Variants in GRID2 observed in about 807,000 individuals in gnomAD.
GRID2 encodes the protein glutamate ionotropic receptor delta type subunit 2, also known as glutamate receptor ionotropic, delta-2.
Under a neutral mutation model 114.8 loss-of-function variants are expected in GRID2, and 33 were observed. The ratio of observed to expected loss-of-function variants is 0.29; its 90% CI spans 0.22 to 0.38. The LOEUF is 0.38. Ranked by LOEUF, GRID2 falls within the 10% of genes least tolerant of loss-of-function variation. The probability of loss-of-function intolerance (pLI) is 1.00; values close to 1 mark genes in which losing one functional copy is unlikely to be tolerated. For synonymous variants in GRID2, 505 were observed against 449.9 expected, an observed-to-expected ratio of 1.12 and a Z score of -1.55; for missense variants, 1,184 against 1,257.7, an observed-to-expected ratio of 0.94 and a Z score of 0.89.
At chr4:92,651,338 T>C (rs1239391217) in intron 2 of GRID2, among the ~76,000 whole-genome samples, 3 of 152,062 alleles carry the variant, frequency 2.0e-5, no homozygotes, top group South Asian at 4.1e-4. Flanking sequence ...TATACAACAG[T>C]GGTCATAGCC....
intron 14 of GRID2, among the ~76,000 whole-genome samples, chr4:93,669,297 G>A (rs1724202654): frequency 6.6e-6 from 1 of 152,004 alleles, no homozygotes; most frequent in Non-Finnish European, 1.5e-5. Flanking sequence ...TAGAAAATAT[G>A]TCCTTAGGCA....
chr4:93,177,868 T>G (rs935603544), intron 4 of GRID2, among the ~76,000 whole-genome samples: 12 of 152,146 alleles, frequency 7.9e-5, no homozygotes, highest in African/African-American at 2.9e-4. Context: ...TTTACAATGA[T>G]TACTTTTTCT....
intron 1 of GRID2, among the ~76,000 whole-genome samples, chr4:92,492,223 GGAAA>G (rs1478667612): frequency 6.6e-6 from 1 of 152,148 alleles, no homozygotes; most frequent in African/African-American, 2.4e-5. Flanking sequence ...AGTATATTCT[GGAAA>G]GAAAGACTCT....
intron 4 of GRID2, among the ~76,000 whole-genome samples, chr4:93,124,839 A>C (rs1187369826): frequency 6.6e-6 from 1 of 152,140 alleles, no homozygotes; most frequent in Non-Finnish European, 1.5e-5. Flanking sequence ...TTGTTATTAG[A>C]ATGAAAAAAA....
At chr4:93,783,800 C>T (rs1578793418) in intron 1 of GRID2, among the ~76,000 whole-genome samples, 1 of 152,048 alleles carries the variant, frequency 6.6e-6, no homozygotes, top group South Asian at 2.1e-4. Context: ...TGGCCGGGCG[C>T]GGTGGCTCAC....
chr4:92,693,017 T>G (rs1734249137), intron 2 of GRID2, among the ~76,000 whole-genome samples: 1 of 117,880 alleles, frequency 8.5e-6, no homozygotes, highest in Middle Eastern at 4.3e-3. Flanking sequence ...AGCGAAACTG[T>G]CTCAAAAAAA....
At chr4:92,446,135 C>T (rs62312216) in intron 1 of GRID2, among the ~76,000 whole-genome samples, 21,541 of 151,962 alleles carry the variant, frequency 0.14, 1,847 homozygotes, top group South Asian at 0.21. Flanking sequence ...TTAGTAGAGA[C>T]GGGGTTTCAC....
At chr4:92,749,223 C>T (rs1737311043) in intron 2 of GRID2, among the ~76,000 whole-genome samples, 1 of 151,446 alleles carries the variant, frequency 6.6e-6, no homozygotes, top group Non-Finnish European at 1.5e-5. Flanking sequence ...AGGATGGTCT[C>T]GATCTCTTGA....
chr4:93,068,137 T>C (rs1220146300), intron 2 of GRID2, among the ~76,000 whole-genome samples: 3 of 152,064 alleles, frequency 2.0e-5, no homozygotes, highest in African/African-American at 7.2e-5. Context: ...CCAAATAAAT[T>C]CAAATGCATT....
intron 9 of GRID2, among the ~76,000 whole-genome samples, chr4:93,397,454 A>T (rs192675580): frequency 2.3e-4 from 35 of 152,160 alleles, no homozygotes; most frequent in Non-Finnish European, 3.4e-4. Flanking sequence ...AAGACGGTAT[A>T]TGTGCTTTGT....
In GRID2 at chr4:92,504,184, A is replaced by G. The variant is rs895542797; in HGVS notation, c.89-85947A>G. Among the ~76,000 whole-genome samples, 24 of 152,208 alleles carry G rather than the reference A, an allele frequency of 1.6e-4. No individual in the cohort carries two copies. The East Asian group carries it at 4.1e-3, about 26-fold the overall frequency. ...ATGAATGAGTAAAATTTCCATACCCAGAAGAGAGGAGAAAAGGGTTTTCTT... is the reference window on the plus strand; with the variant it reads ...ATGAATGAGTAAAATTTCCATACCCGGAAGAGAGGAGAAAAGGGTTTTCTT... On this transcript the variant is annotated intron_variant, in intron 1 of 15. Coordinates refer to ENST00000282020, the MANE Select transcript of GRID2 (RefSeq NM_001510.4).
rs545884922 is a variant in GRID2, at chr4:92,791,167, AC to A, written c.244+200883del. On this transcript the variant is annotated intron_variant, in intron 2 of 15. Transcript: ENST00000282020. ...AATTGTTCCAGCTTACTAATGAAAT[AC>A]CAAAAATGAGAAAGAGAATGACTTT... Among the ~76,000 whole-genome samples, 539 of 151,972 alleles carry A rather than the reference AC, an allele frequency of 3.5e-3. 2 individuals carry two copies. The highest frequency in any genetic ancestry group is 0.013 in the African/African-American group (523 of 41,526).
At chr4:92,830,310 T>A (rs1266984297) in intron 2 of GRID2, among the ~76,000 whole-genome samples, 1 of 151,504 alleles carries the variant, frequency 6.6e-6, no homozygotes, top group Non-Finnish European at 1.5e-5. Context: ...TTTTTTTTTA[T>A]TCTGAAAGAC....
chr4:93,308,150 G>A (rs1219632604), intron 8 of GRID2, among the ~76,000 whole-genome samples: 5 of 152,098 alleles, frequency 3.3e-5, no homozygotes, highest in Non-Finnish European at 7.4e-5. Context: ...TACCCTCAGT[G>A]CTCCTATGAT....
intron 2 of GRID2, among the ~76,000 whole-genome samples, chr4:92,654,026 A>C (rs1156736509): frequency 6.6e-6 from 1 of 152,130 alleles, no homozygotes; most frequent in Admixed American, 6.6e-5. Flanking sequence ...AATTATCCAG[A>C]AAGTTTATAT....
intron 2 of GRID2, among the ~76,000 whole-genome samples, chr4:92,932,674 A>G (rs530490831): frequency 1.3e-5 from 2 of 151,452 alleles, no homozygotes; most frequent in East Asian, 3.9e-4. Flanking sequence ...GTGGCCCAAA[A>G]TAGAATGGAT....
intron 14 of GRID2, among the ~76,000 whole-genome samples, chr4:93,762,510 G>A (rs1430781622): frequency 6.6e-6 from 1 of 152,176 alleles, no homozygotes; most frequent in Non-Finnish European, 1.5e-5. Flanking sequence ...CAAGAAGCTT[G>A]AAGACCTAGG....
At chr4:92,803,993 A>T (rs1740293884) in intron 2 of GRID2, among the ~76,000 whole-genome samples, 1 of 151,648 alleles carries the variant, frequency 6.6e-6, no homozygotes, top group Non-Finnish European at 1.5e-5. Flanking sequence ...GCATCACTTC[A>T]GTCTGGGCTT....
chr4:92,409,186 G>A (rs1204226581), intron 1 of GRID2, among the ~76,000 whole-genome samples: 1 of 152,096 alleles, frequency 6.6e-6, no homozygotes, highest in African/African-American at 2.4e-5. Flanking sequence ...AAGGGATGTT[G>A]GATGTTATTG....
Sources: gnomAD v4.1 joint callset for allele counts (sites outside exome capture counted in the v4.1 genomes callset) on GRCh38, gnomAD v4.1.1 for gene constraint, MANE v1.5 for transcripts, NCBI Gene and HGNC (gene_info 2026-07-23, HGNC 2026-07-21) for gene names.